TBC1D9: variants seen among roughly 807,000 people sequenced by gnomAD.
The protein encoded by TBC1D9 is TBC1 domain family member 9.
Under a neutral mutation model 132.0 loss-of-function variants are expected in TBC1D9, and 63 were observed. The ratio of observed to expected loss-of-function variants is 0.48; its 90% CI spans 0.39 to 0.59. TBC1D9 has a LOEUF of 0.59. Ranked by LOEUF, TBC1D9 falls within the 20% of genes least tolerant of loss-of-function variation. The pLI is 0.00. For synonymous variants in TBC1D9, 610 were observed against 609.9 expected (o/e 1.00, Z 0.00); for missense variants, 1,261 against 1,592.7 (o/e 0.79, Z 3.54).
chr4:140,719,421 CAA>C (rs1192483561), intron 1 of TBC1D9, among the ~76,000 whole-genome samples: 1 of 152,172 alleles, frequency 6.6e-6, no homozygotes, highest in African/African-American at 2.4e-5. Context: ...GAAGGAGCGT[CAA>C]GACATAAACT....
chr4:140,661,723 C>G (rs909660449), intron 10 of TBC1D9, among the ~76,000 whole-genome samples, 170 bp downstream of exon 10: 2 of 152,198 alleles, frequency 1.3e-5, no homozygotes, highest in African/African-American at 4.8e-5. Context: ...AAGCATAGAA[C>G]AGCCCATACA....
intron 1 of TBC1D9, among the ~76,000 whole-genome samples, chr4:140,713,539 CA>C (rs1467101740): frequency 6.6e-6 from 1 of 151,804 alleles, no homozygotes; most frequent in Non-Finnish European, 1.5e-5. Flanking sequence ...GAGTCTGAGA[CA>C]GCCTGGGCAA....
chr4:140,753,094 C>G (rs945442816), intron 1 of TBC1D9, among the ~76,000 whole-genome samples: 1 of 152,162 alleles, frequency 6.6e-6, no homozygotes, highest in African/African-American at 2.4e-5. Context: ...AGGAATCTTT[C>G]CTTTGCCTCC....
At chr4:140,667,653 C>G (rs75684200) in intron 9 of TBC1D9, among the ~76,000 whole-genome samples, 4,891 of 152,088 alleles carry the variant, frequency 0.032, 146 homozygotes, top group South Asian at 0.074. Context: ...CATCCCAGCA[C>G]CTGGGAGGCT....
In TBC1D9 at chr4:140,669,722, T is replaced by G; in HGVS notation, c.1349A>C (p.Asn450Thr). 6.2e-7 allele frequency: 1 copy of G among 1,613,938 alleles called. No individual in the cohort carries two copies. Among genetic ancestry groups the G allele is most frequent in the South Asian group, 1.1e-5 (1 of 91,070 alleles). Reference sequence around the variant, plus strand: ...TGTGGGGACGCTGTTGCCATTTAGGTTAAACTGGCGCTCTCCATCAGCATC... The same window carrying G: ...TGTGGGGACGCTGTTGCCATTTAGGGTAAACTGGCGCTCTCCATCAGCATC... ...SSDADGERQF[N>T]LNGNSVPTAT... The change falls in exon 8 of 21, where the codon AAC becomes ACC. Residue 450 changes from asparagine to threonine, a missense_variant. Physicochemically the swap from Asn to Thr is moderately conservative, Grantham distance 65. Transcript: ENST00000442267.
chr4:140,696,454 T>G, intron 2 of TBC1D9, among the ~76,000 whole-genome samples: 1 of 16,692 alleles, frequency 6.0e-5, no homozygotes, highest in African/African-American at 1.6e-4. Flanking sequence ...AGAGTCCGTC[T>G]CAAAAAAAAA....
chr4:140,680,510 CTG>C (rs1393443078), intron 3 of TBC1D9, among the ~76,000 whole-genome samples: 1 of 152,184 alleles, frequency 6.6e-6, no homozygotes, highest in Non-Finnish European at 1.5e-5. Context: ...CCCAGTTCCT[CTG>C]TAATTCCCTG....
At chr4:140,671,712 G>GTGTGTGTGTGTGTGTGTGTA (rs766300047) in intron 6 of TBC1D9, among the ~76,000 whole-genome samples, 148 of 147,778 alleles carry the variant, frequency 1.0e-3, no homozygotes, top group African/African-American at 3.5e-3. Context: ...GTGTGTGTGT[G>GTGTGTGTGTGTGTGTGTGTA]TGTGCCGAAG....
At chr4:140,661,777 G>A in intron 10 of TBC1D9, 116 bp downstream of exon 10, 2 of 838,676 alleles carry the variant, frequency 2.4e-6, no homozygotes, top group Non-Finnish European at 3.8e-6. Flanking sequence ...CCAAGGTTGA[G>A]AGGCCCTGGT....
At position 140,676,941 on chromosome 4, in the gene TBC1D9, T is replaced by C. The variant is rs1445912182; in HGVS notation, c.1012A>G (p.Thr338Ala). Residue 338 changes from threonine (T) to alanine (A), a missense_variant, in exon 6 of 21, where the codon ACC becomes GCC. Coordinates refer to ENST00000442267, the MANE Select transcript of TBC1D9 (RefSeq NM_015130.3). ...CTACATAAGTTCTCCTCCTTGCTGGTAAAACAGATGTAATTTGTGGACACA... is the reference window on the plus strand; with the variant it reads ...CTACATAAGTTCTCCTCCTTGCTGGCAAAACAGATGTAATTTGTGGACACA... ...MFVSTNYICF[T>A]SKEENLCSLI... The C allele has an allele frequency of 6.2e-7, 1 of 1,613,994 alleles. No individual in the cohort carries two copies. The highest frequency in any genetic ancestry group is 2.2e-5 in the East Asian group (1 of 44,888).
rs548297952 is a variant in TBC1D9 at position 140,696,055 on chromosome 4, C to T, written c.241+5449G>A. On this transcript the variant is annotated intron_variant, in intron 2 of 20. Transcript: ENST00000442267. ...TTGGGTACTAGTGAAATGAAATGGT[C>T]GTTGTTTAGGAAAGTTTTTTGGCTC... 8.5e-5 allele frequency among the ~76,000 whole-genome samples: 13 copies of T among 152,254 alleles called. No individual in the cohort carries two copies. In the South Asian group the frequency reaches 2.3e-3, roughly 27 times the overall value.
chr4:140,730,667 A>C (rs1738574621), intron 1 of TBC1D9, among the ~76,000 whole-genome samples: 1 of 152,220 alleles, frequency 6.6e-6, no homozygotes, highest in South Asian at 2.1e-4. Context: ...GCAGGGTTGT[A>C]ATGAGCCTAG....
intron 1 of TBC1D9, 140 bp downstream of exon 1, chr4:140,755,776 A>T: frequency 7.7e-7 from 1 of 1,290,730 alleles, no homozygotes; most frequent in South Asian, 1.8e-5. Flanking sequence ...ACGACTCTCG[A>T]TGCCTCGCAT....
chr4:140,745,505 G>A (rs112319951), intron 1 of TBC1D9, among the ~76,000 whole-genome samples: 2 of 152,138 alleles, frequency 1.3e-5, no homozygotes, highest in Admixed American at 6.5e-5. Context: ...TTGTGAAGAC[G>A]ATGAGGACAA....
intron 3 of TBC1D9, among the ~76,000 whole-genome samples, chr4:140,682,072 A>C (rs1478614148): frequency 2.6e-5 from 4 of 152,324 alleles, no homozygotes; most frequent in African/African-American, 9.6e-5. Flanking sequence ...TTGTTTTTCC[A>C]AATTAAAAGA....
intron 1 of TBC1D9, among the ~76,000 whole-genome samples, chr4:140,705,544 G>A (rs187423571): frequency 2.8e-3 from 420 of 150,180 alleles, no homozygotes; most frequent in Non-Finnish European, 4.4e-3. Flanking sequence ...GTGTGTGTGC[G>A]TTTTAAACCT....
chr4:140,677,128 T>G, intron 5 of TBC1D9, 27 bp from the exon 6 acceptor site: 1 of 1,610,426 alleles, frequency 6.2e-7, no homozygotes, highest in Non-Finnish European at 8.5e-7. Context: ...ACAATTCACA[T>G]AAGAAAAATG....
intron 13 of TBC1D9, among the ~76,000 whole-genome samples, chr4:140,649,718 G>A (rs1277264068): frequency 6.6e-6 from 1 of 152,138 alleles, no homozygotes; most frequent in African/African-American, 2.4e-5. Flanking sequence ...ATGTTCAGGA[G>A]GGCAGAAGAA....
At chr4:140,687,424 G>GAACTAA (rs1435661179) in intron 2 of TBC1D9, among the ~76,000 whole-genome samples, 1 of 128,574 alleles carries the variant, frequency 7.8e-6, no homozygotes, top group Non-Finnish European at 1.6e-5. Context: ...GCTCATTCCA[G>GAACTAA]AACTAAAGAA....
Sources: gnomAD v4.1 joint callset for allele counts (sites outside exome capture counted in the v4.1 genomes callset) on GRCh38, gnomAD v4.1.1 for gene constraint, MANE v1.5 for transcripts, NCBI Gene and HGNC (gene_info 2026-07-23, HGNC 2026-07-21) for gene names.